Variants in PTPRD observed in about 807,000 individuals in gnomAD.
The protein encoded by PTPRD is protein tyrosine phosphatase receptor type D.
Under a neutral mutation model 214.5 loss-of-function variants are expected in PTPRD, and 34 were observed. The ratio of observed to expected loss-of-function variants is 0.16; its 90% CI spans 0.12 to 0.21. PTPRD has a LOEUF of 0.21. PTPRD is among the 10% of genes least tolerant of loss of function. The pLI is 1.00. For synonymous variants in PTPRD, 1,128 were observed against 845.7 expected, an observed-to-expected ratio of 1.33 and a Z score of -5.79; for missense variants, 2,545 against 2,398.7, an observed-to-expected ratio of 1.06 and a Z score of -1.27.
rs2095951396 is a variant in PTPRD at position 8,624,621 on chromosome 9, TTAATA to T, written c.352+8691_352+8695del. 2.0e-5 allele frequency among the ~76,000 whole-genome samples: 3 copies of T among 151,884 alleles called. No individual in the cohort carries two copies. The South Asian group carries it at 6.2e-4, about 32-fold the overall frequency. On this transcript the variant is annotated intron_variant, in intron 14 of 45. Transcript: ENST00000381196. The stretch of plus-strand genomic sequence containing the variant: ...ATTGTTAGTTACTCTGCCAGATGAT[TTAATA>T]TGTCATTAACTTCCCCCAAAACAGC...
intron 9 of PTPRD, among the ~76,000 whole-genome samples, chr9:9,241,410 T>C (rs916298134): frequency 7.2e-5 from 11 of 152,132 alleles, no homozygotes; most frequent in African/African-American, 1.4e-4. Context: ...TGTAATAGGA[T>C]ACAAGGGGAA....
chr9:8,568,116 T>G (rs1342808201), intron 14 of PTPRD, among the ~76,000 whole-genome samples: 1 of 152,160 alleles, frequency 6.6e-6, no homozygotes, highest in Non-Finnish European at 1.5e-5. Context: ...TACTGCAAAT[T>G]AATCATTAAT....
At chr9:8,421,567 C>G (rs536388677) in intron 35 of PTPRD, among the ~76,000 whole-genome samples, 1 of 152,076 alleles carries the variant, frequency 6.6e-6, no homozygotes, top group Non-Finnish European at 1.5e-5. Flanking sequence ...CAGCAAACAG[C>G]GAATCAAATC....
In PTPRD at chr9:8,929,780, G is replaced by GTATATATATGTGTGTATATATATGT. The variant is rs1272978143; in HGVS notation, c.-104+88916_-104+88917insACATATATATACACACATATATATA. Among the ~76,000 whole-genome samples the GTATATATATGTGTGTATATATATGT allele has an allele frequency of 3.9e-4, 32 of 82,434 alleles. 1 individual carries two copies. Among genetic ancestry groups the GTATATATATGTGTGTATATATATGT allele is most frequent in the East Asian group, 2.1e-3 (5 of 2,394 alleles). 54.1% of individuals were successfully genotyped at this position (82,434 alleles called of 152,430 possible). A position where few individuals can be genotyped will look rare whatever the true frequency, so the allele number is the denominator to read the frequency against. On this transcript the variant is annotated intron_variant, in intron 11 of 45. Coordinates refer to ENST00000381196, the MANE Select transcript of PTPRD (RefSeq NM_002839.4). ...ATGTATATATATGTGTATATATATGGGTGTGTATATATGTGTGTGTATATA... is the reference window on the plus strand; with the variant it reads ...ATGTATATATATGTGTATATATATGGTATATATATGTGTGTATATATATGTGTGTGTATATATGTGTGTGTATATA...
chr9:9,641,142 T>C (rs1202672307), intron 7 of PTPRD, among the ~76,000 whole-genome samples: 3 of 103,940 alleles, frequency 2.9e-5, no homozygotes, highest in Non-Finnish European at 7.7e-5. Flanking sequence ...TGCAATGGGC[T>C]TTCTGAACTG....
At chr9:9,871,815 T>C (rs1238903105) in intron 5 of PTPRD, among the ~76,000 whole-genome samples, 2 of 152,148 alleles carry the variant, frequency 1.3e-5, no homozygotes, top group Non-Finnish European at 2.9e-5. Flanking sequence ...AAGATTATCT[T>C]CTGGAAAGGG....
At chr9:9,411,633 G>C (rs1399200868) in intron 8 of PTPRD, among the ~76,000 whole-genome samples, 2 of 152,196 alleles carry the variant, frequency 1.3e-5, no homozygotes, top group African/African-American at 4.8e-5. Context: ...GAAGTTGAAA[G>C]GAGGTATTTG....
At chr9:10,517,212 C>G (rs1186572520) in intron 2 of PTPRD, among the ~76,000 whole-genome samples, 1 of 151,772 alleles carries the variant, frequency 6.6e-6, no homozygotes, top group Non-Finnish European at 1.5e-5. Flanking sequence ...TGGGATGTAT[C>G]TCCATTTGTT....
intron 44 of PTPRD, among the ~76,000 whole-genome samples, chr9:8,326,074 C>G (rs1314570924): frequency 6.6e-6 from 1 of 152,254 alleles, no homozygotes; most frequent in South Asian, 2.1e-4. Context: ...TTTCTGTTGC[C>G]TGACTGCCTT....
At chr9:10,245,132 A>G (rs2091867712) in intron 3 of PTPRD, among the ~76,000 whole-genome samples, 2 of 152,166 alleles carry the variant, frequency 1.3e-5, no homozygotes, top group Non-Finnish European at 2.9e-5. Context: ...AAACATAGTG[A>G]AAAATGAAAT....
chr9:9,160,989 C>T (rs984766798), intron 10 of PTPRD, among the ~76,000 whole-genome samples: 3 of 152,030 alleles, frequency 2.0e-5, no homozygotes, highest in South Asian at 4.1e-4. Flanking sequence ...CAAATTTGAT[C>T]TCATAGAAGT....
At chr9:8,624,721 T>G (rs2095956414) in intron 14 of PTPRD, among the ~76,000 whole-genome samples, 1 of 151,834 alleles carries the variant, frequency 6.6e-6, no homozygotes, top group South Asian at 2.1e-4. Flanking sequence ...GAGTAATGTG[T>G]CTAAACCTAT....
At chr9:10,377,536 C>T (rs371097114) in intron 2 of PTPRD, among the ~76,000 whole-genome samples, 49 of 151,732 alleles carry the variant, frequency 3.2e-4, no homozygotes, top group African/African-American at 1.1e-3. Context: ...TGAGAACAGG[C>T]GATGTTTGTT....
chr9:9,931,563 C>G (rs2086582986), intron 5 of PTPRD, among the ~76,000 whole-genome samples: 1 of 152,156 alleles, frequency 6.6e-6, no homozygotes, highest in Non-Finnish European at 1.5e-5. Context: ...CCGCACGTGG[C>G]TCGGAGGGTC....
chr9:10,546,978 C>G (rs372737164), intron 2 of PTPRD, among the ~76,000 whole-genome samples: 6 of 152,076 alleles, frequency 3.9e-5, no homozygotes, highest in African/African-American at 1.4e-4. Flanking sequence ...TGAGGGACCA[C>G]TAAAGCTGTT....
intron 11 of PTPRD, among the ~76,000 whole-genome samples, chr9:8,888,223 C>A: frequency 6.6e-6 from 1 of 152,104 alleles, no homozygotes; most frequent in East Asian, 1.9e-4. Flanking sequence ...AACAACAAAA[C>A]AAGAGTGCTC....
chr9:8,845,861 T>C (rs780352736), intron 11 of PTPRD, among the ~76,000 whole-genome samples: 12 of 152,198 alleles, frequency 7.9e-5, no homozygotes, highest in Non-Finnish European at 1.2e-4. Context: ...ATACCATTAG[T>C]CTCTGTTAGG....
chr9:9,927,607 C>A (rs570342703), intron 5 of PTPRD, among the ~76,000 whole-genome samples: 1 of 152,222 alleles, frequency 6.6e-6, no homozygotes, highest in Admixed American at 6.5e-5. Flanking sequence ...TAAAGGAATG[C>A]GTGTGTGTAC....
chr9:9,284,051 A>G (rs1354764496), intron 9 of PTPRD, among the ~76,000 whole-genome samples: 1 of 151,726 alleles, frequency 6.6e-6, no homozygotes, highest in Non-Finnish European at 1.5e-5. Context: ...TAAAGTCAAT[A>G]CAATATCTCT....
Sources: allele counts gnomAD v4.1 joint callset (sites outside exome capture counted in the v4.1 genomes callset), GRCh38; gene constraint gnomAD v4.1.1; transcripts MANE v1.5; gene names NCBI Gene and HGNC (gene_info 2026-07-23, HGNC 2026-07-21).